Variants in KLHL29 observed in about 807,000 individuals in gnomAD.
KLHL29 encodes the protein kelch like family member 29.
A neutral mutation model predicts 80.4 loss-of-function variants in KLHL29; 21 were observed. That is an observed-to-expected ratio of 0.26 (90% CI 0.19 to 0.38). The LOEUF is 0.38. KLHL29 is among the 10% of genes least tolerant of loss of function. The probability of loss-of-function intolerance (pLI) is 1.00; values close to 1 mark genes in which losing one functional copy is unlikely to be tolerated. For missense variants in KLHL29, 867 were observed against 1,223.9 expected, an observed-to-expected ratio of 0.71 and a Z score of 4.35; for synonymous variants, 511 against 526.8, an observed-to-expected ratio of 0.97 and a Z score of 0.41.
chr2:23,398,116 C>CA, intron 1 of KLHL29, among the ~76,000 whole-genome samples: 1 of 152,238 alleles, frequency 6.6e-6, no homozygotes, highest in East Asian at 1.9e-4. Flanking sequence ...AGCCTATACC[C>CA]AAAAAAAGTG....
At chr2:23,488,179 G>GC (rs1471876668) in intron 2 of KLHL29, among the ~76,000 whole-genome samples, 2 of 152,220 alleles carry the variant, frequency 1.3e-5, no homozygotes, top group Non-Finnish European at 2.9e-5. Flanking sequence ...CACACCTCCT[G>GC]CCCCTGGCCT....
At chr2:23,668,490 A>G (rs1420557607) in intron 5 of KLHL29, 3 of 152,264 alleles carry the variant, frequency 2.0e-5, no homozygotes, top group African/African-American at 7.2e-5. Flanking sequence ...GCTCAGAGCA[A>G]TGTTGCAGAC....
At chr2:23,480,450 GCAC>G (rs112970574) in intron 2 of KLHL29, among the ~76,000 whole-genome samples, 152 of 152,046 alleles carry the variant, frequency 1.0e-3, no homozygotes, top group African/African-American at 3.5e-3. Flanking sequence ...TCGCACCACT[GCAC>G]CACTCCACCC....
At chr2:23,704,709 G>A (rs1672609853) in intron 13 of KLHL29, among the ~76,000 whole-genome samples, 1 of 152,224 alleles carries the variant, frequency 6.6e-6, no homozygotes, top group Non-Finnish European at 1.5e-5. Context: ...GGAGGTTGCA[G>A]TGAGCCGAGA....
At chr2:23,429,027 G>A (rs563459703) in intron 1 of KLHL29, among the ~76,000 whole-genome samples, 1 of 152,208 alleles carries the variant, frequency 6.6e-6, no homozygotes, top group South Asian at 2.1e-4. Flanking sequence ...CTTCTCTCTG[G>A]GCCTTGACTC....
intron 11 of KLHL29, among the ~76,000 whole-genome samples, chr2:23,698,353 G>A (rs997183295): frequency 6.6e-6 from 1 of 152,236 alleles, no homozygotes; most frequent in Non-Finnish European, 1.5e-5. Flanking sequence ...GTTGGAGGGT[G>A]CAGGGGAAGG....
At chr2:23,651,199 G>T (rs1285991299) in intron 5 of KLHL29, among the ~76,000 whole-genome samples, 2 of 152,126 alleles carry the variant, frequency 1.3e-5, no homozygotes, top group African/African-American at 4.8e-5. Flanking sequence ...CTTTAAAAAA[G>T]AATATATGTT....
chr2:23,420,985 A>T (rs1010608651), intron 1 of KLHL29, among the ~76,000 whole-genome samples: 8 of 152,122 alleles, frequency 5.3e-5, no homozygotes, highest in African/African-American at 1.9e-4. Context: ...GCCAGGCGCC[A>T]GGCCAGGGGC....
rs1672809537 is a variant in KLHL29 at position 23,707,567 on chromosome 2, G to GT, written c.*904dup. ...TGCCCCCATTTTATTTTTAGAAAAA[G>GT]TAACTCCCAGACAGCCCCATAAAAG... On this transcript the variant is annotated 3_prime_UTR_variant, in exon 14 of 14. Transcript: ENST00000486442. 1 of 152,118 alleles carries GT rather than the reference G, an allele frequency of 6.6e-6. No individual in the cohort carries two copies. The highest frequency in any genetic ancestry group is 2.1e-4 in the South Asian group (1 of 4,828). 9.4% of individuals were successfully genotyped at this position (152,118 alleles called of 1,614,324 possible). A position where few individuals can be genotyped will look rare whatever the true frequency, so the allele number is the denominator to read the frequency against.
intron 1 of KLHL29, among the ~76,000 whole-genome samples, chr2:23,392,953 C>G (rs1666356146): frequency 6.6e-6 from 1 of 152,214 alleles, no homozygotes; most frequent in Admixed American, 6.5e-5. Context: ...GCACCTGCTT[C>G]CATTTACTGT....
At chr2:23,425,041 A>G (rs1462217839) in intron 1 of KLHL29, among the ~76,000 whole-genome samples, 1 of 152,266 alleles carries the variant, frequency 6.6e-6, no homozygotes, top group East Asian at 1.9e-4. Flanking sequence ...TTTAAAGGAA[A>G]TGAAATGTTG....
intron 2 of KLHL29, among the ~76,000 whole-genome samples, chr2:23,520,869 C>T (rs958453120): frequency 3.3e-5 from 5 of 152,140 alleles, no homozygotes; most frequent in African/African-American, 1.2e-4. Flanking sequence ...GTCTTTTCTC[C>T]CCAAATATTA....
At chr2:23,453,722 C>T (rs889137524) in intron 1 of KLHL29, among the ~76,000 whole-genome samples, 4 of 152,116 alleles carry the variant, frequency 2.6e-5, no homozygotes, top group South Asian at 2.1e-4. Context: ...AGTTCCAAGC[C>T]GTGCTTTGAA....
At chr2:23,651,225 T>G (rs1008586640) in intron 5 of KLHL29, among the ~76,000 whole-genome samples, 5 of 152,214 alleles carry the variant, frequency 3.3e-5, no homozygotes, top group Non-Finnish European at 2.9e-5. Flanking sequence ...TTTTAAAACA[T>G]TTGTATTATA....
chr2:23,647,815 G>A lies in KLHL29; in HGVS notation c.940+4965G>A, dbSNP rs977687949. On this transcript the variant is annotated intron_variant, in intron 5 of 13. Transcript: ENST00000486442. The surrounding 1 kb of genome is among the most constrained non-coding windows in gnomAD (Gnocchi z 4.9). ...CAGGCCTTGGCTCTCCAGTCTAGCC[G>A]TGCACTGTGCCTCGGTCGAGTGCCT... is the stretch of plus-strand genomic sequence containing the variant. Among the ~76,000 whole-genome samples, 4 of 152,048 alleles carry A rather than the reference G, an allele frequency of 2.6e-5. No individual in the cohort carries two copies. The highest frequency in any genetic ancestry group is 4.4e-5 in the Non-Finnish European group (3 of 68,014).
Position 23,419,652 on chromosome 2 carries a change from C to T in KLHL29, c.-154+33872C>T, listed in dbSNP as rs187343727. Among the ~76,000 whole-genome samples the T allele has an allele frequency of 1.6e-4, 24 of 152,276 alleles. No individual in the cohort carries two copies. In the East Asian group the frequency reaches 3.1e-3, roughly 20 times the overall value. On this transcript the variant is annotated intron_variant, in intron 1 of 13. Transcript: ENST00000486442. ...TGCCCTTTCCCTGAAAAATGTCGAG[C>T]GGAATGAGTCCTCAGGATAACAGTG...
chr2:23,641,978 T>C (rs1408364462), intron 4 of KLHL29, among the ~76,000 whole-genome samples: 1 of 152,116 alleles, frequency 6.6e-6, no homozygotes, highest in Non-Finnish European at 1.5e-5. Flanking sequence ...AGTGAGACTC[T>C]GTCTCAAAAT....
intron 2 of KLHL29, among the ~76,000 whole-genome samples, chr2:23,494,718 A>G (rs1226857226): frequency 2.6e-5 from 4 of 152,150 alleles, no homozygotes; most frequent in Non-Finnish European, 5.9e-5. Flanking sequence ...GCTGAGGATC[A>G]TGAAAGACCC....
Position 23,457,662 on chromosome 2 carries a change from C to T in KLHL29, c.-153-17898C>T, listed in dbSNP as rs1664093656. Among the ~76,000 whole-genome samples the T allele has an allele frequency of 6.6e-6, 1 of 152,160 alleles. No homozygotes were observed. Among genetic ancestry groups the T allele is most frequent in the Admixed American group, 6.5e-5 (1 of 15,278 alleles). Reference sequence around the variant, plus strand: ...CTCTGAAGCACCAGGAACAAGGTCCCTGCAGTCAGATGAAAGGTCCCCTCC... The same window carrying T: ...CTCTGAAGCACCAGGAACAAGGTCCTTGCAGTCAGATGAAAGGTCCCCTCC... On this transcript the variant is annotated intron_variant, in intron 1 of 13. Coordinates refer to ENST00000486442, the MANE Select transcript of KLHL29 (RefSeq NM_052920.2). This position sits in a 1 kb window ranked among gnomAD's most constrained non-coding sequence, Gnocchi z 4.3.
Sources: gnomAD v4.1 joint callset for allele counts (sites outside exome capture counted in the v4.1 genomes callset) on GRCh38, gnomAD v4.1.1 for gene constraint, Gnocchi (gnomAD v3.1) non-coding constraint, MANE v1.5 for transcripts, NCBI Gene and HGNC (gene_info 2026-07-23, HGNC 2026-07-21) for gene names.